Variants in FBN3 observed in about 807,000 individuals in gnomAD.
FBN3 encodes the protein fibrillin-3.
Under a neutral mutation model 330.1 loss-of-function variants are expected in FBN3, and 234 were observed. The observed-to-expected ratio is 0.71, with a 90% CI of 0.64 to 0.79. The LOEUF is 0.79. Ranked by LOEUF, FBN3 falls within the 30% of genes least tolerant of loss-of-function variation. The probability of loss-of-function intolerance (pLI) is 0.00; values close to 1 mark genes in which losing one functional copy is unlikely to be tolerated. For synonymous variants in FBN3, 1,458 were observed against 1,517.3 expected, an observed-to-expected ratio of 0.96 and a Z score of 0.91; for missense variants, 3,606 against 3,886.9, an observed-to-expected ratio of 0.93 and a Z score of 1.92.
chr19:8,111,861 G>A, intron 31 of FBN3, 91 bp from the exon 32 acceptor site: 2 of 1,535,670 alleles, frequency 1.3e-6, no homozygotes, highest in Non-Finnish European at 1.8e-6. Flanking sequence ...CTCCAACCCT[G>A]ACTGCCCCCC....
intron 63 of FBN3, among the ~76,000 whole-genome samples, chr19:8,066,965 T>G (rs12972954): frequency 2.6e-5 from 4 of 151,738 alleles, no homozygotes; most frequent in Non-Finnish European, 5.9e-5. Context: ...AAGCCCAAAC[T>G]GCCTCATCAT....
intron 61 of FBN3, 189 bp downstream of exon 61, chr19:8,074,882 C>A: frequency 1.5e-6 from 1 of 671,262 alleles, no homozygotes; most frequent in Non-Finnish European, 2.3e-6. Context: ...AACTCAGACA[C>A]TTTTTGATGC....
Position 8,147,322 on chromosome 19 carries a change from G to A in FBN3, c.159C>T (p.Ile53=), listed in dbSNP as rs369163345. The change falls in exon 2 of 64, where the codon ATC becomes ATT. Residue 53 remains isoleucine, a synonymous_variant. Coordinates refer to ENST00000600128, the MANE Select transcript of FBN3 (RefSeq NM_032447.5). ...TCCCAGGTACCACGCACCCCTGCAAGATGCCTGGGCTGCCCCGCCTCCGCA... is the reference window on the plus strand; with the variant it reads ...TCCCAGGTACCACGCACCCCTGCAAAATGCCTGGGCTGCCCCGCCTCCGCA... The part of the protein sequence containing the change: ...GRVRRRGSPG[I]LQGPNVCGSR... The A allele has an allele frequency of 3.8e-6, 6 of 1,596,894 alleles. No homozygotes were observed. The highest frequency in any genetic ancestry group is 4.3e-6 in the Non-Finnish European group (5 of 1,173,878).
chr19:8,085,746 C>A (rs1257688320), intron 55 of FBN3, among the ~76,000 whole-genome samples, 177 bp from the exon 56 acceptor site: 1 of 151,970 alleles, frequency 6.6e-6, no homozygotes, highest in Non-Finnish European at 1.5e-5. Flanking sequence ...GTTAGCTCCC[C>A]AGAAGTGGGA....
intron 36 of FBN3, among the ~76,000 whole-genome samples, chr19:8,108,767 C>T (rs1568406217): frequency 6.6e-6 from 1 of 152,142 alleles, no homozygotes; most frequent in African/African-American, 2.4e-5. Flanking sequence ...AGCCTCCTCC[C>T]CTGGAAAGCC....
chr19:8,141,365 C>CAA (rs56688351), intron 8 of FBN3, among the ~76,000 whole-genome samples: 13 of 78,904 alleles, frequency 1.6e-4, no homozygotes, highest in South Asian at 4.2e-4. Flanking sequence ...GACTCTGTCT[C>CAA]AAAAAAAAAA....
chr19:8,073,508 A>T (rs569116940), intron 61 of FBN3, among the ~76,000 whole-genome samples: 3 of 152,258 alleles, frequency 2.0e-5, no homozygotes, highest in African/African-American at 7.2e-5. Flanking sequence ...ACATCTCTCA[A>T]CACTTCCCCT....
At position 8,133,082 on chromosome 19, in the gene FBN3, G is replaced by A. The variant is rs1030028801; in HGVS notation, c.1616C>T (p.Thr539Ile). ...CVDHNECATS[T>I]MCVNGVCLNE... ...GAGACACACGCCGTTGACGCACATG[G>A]TGCTGGTGGCACACTCGTTGTGGTC... The change falls in exon 14 of 64, where the codon ACC becomes ATC. Residue 539 changes from threonine (T) to isoleucine (I), a missense_variant. Transcript: ENST00000600128. 3.8e-6 allele frequency: 6 copies of A among 1,581,818 alleles called. No individual in the cohort carries two copies. The Admixed American group carries it at 1.1e-4, about 29-fold the overall frequency.
chr19:8,096,557 C>G lies in FBN3; in HGVS notation c.5426G>C (p.Cys1809Ser). Residue 1809 changes from cysteine to serine, a missense_variant, in exon 44 of 64, where the codon TGT becomes TCT. Cys to Ser is a moderately radical substitution (Grantham distance 112). Coordinates refer to ENST00000600128, the MANE Select transcript of FBN3 (RefSeq NM_032447.5). This position sits in a 1 kb window ranked among gnomAD's most constrained non-coding sequence, Gnocchi z 4.6. ...GCTACAGACATTCGGGATCTCCCGACACTCATTCCGTCCTGGGGGTGCAGA... is the reference window on the plus strand; with the variant it reads ...GCTACAGACATTCGGGATCTCCCGAGACTCATTCCGTCCTGGGGGTGCAGA... Reference protein sequence around the residue: ...PGGACVGRNECREIPNVCSHG... With the variant: ...PGGACVGRNESREIPNVCSHG... 6.2e-7 allele frequency: 1 copy of G among 1,612,430 alleles called. No homozygotes were observed. The highest frequency in any genetic ancestry group is 8.5e-7 in the Non-Finnish European group (1 of 1,179,480).
At chr19:8,126,375 G>T in intron 20 of FBN3, 28 bp from the exon 21 acceptor site, 1 of 1,585,082 alleles carries the variant, frequency 6.3e-7, no homozygotes, top group Non-Finnish European at 8.6e-7. Context: ...AGAGTGAAGA[G>T]AGGAGTCATT....
intron 46 of FBN3, 76 bp downstream of exon 46, chr19:8,095,299 C>G (rs2082185784): frequency 6.8e-7 from 1 of 1,473,490 alleles, no homozygotes; most frequent in Admixed American, 2.2e-5. Flanking sequence ...TCTATGCTCA[C>G]CCAGAAGTAC....
At chr19:8,073,463 C>A (rs1228685883) in intron 61 of FBN3, among the ~76,000 whole-genome samples, 166 bp from the exon 62 acceptor site, 1 of 152,196 alleles carries the variant, frequency 6.6e-6, no homozygotes. Context: ...GGCCCCATAG[C>A]CCCGCTGCCC....
intron 37 of FBN3, among the ~76,000 whole-genome samples, chr19:8,106,937 A>G (rs745526151): frequency 1.0e-4 from 15 of 150,256 alleles, no homozygotes; most frequent in Non-Finnish European, 1.8e-4. Context: ...AGAATGAGAG[A>G]TAGGTGGGTG....
chr19:8,124,931 T>A (rs529938244), intron 22 of FBN3, among the ~76,000 whole-genome samples: 1 of 152,342 alleles, frequency 6.6e-6, no homozygotes, highest in African/African-American at 2.4e-5. Context: ...GAATGTCCAA[T>A]ACACCAAGGG....
chr19:8,076,427 G>A (rs1599269864), intron 59 of FBN3, among the ~76,000 whole-genome samples: 1 of 152,122 alleles, frequency 6.6e-6, no homozygotes, highest in South Asian at 2.1e-4. Flanking sequence ...CCTGAAGTCA[G>A]GAGTTCGAGA....
At chr19:8,148,635 A>G (rs2145084165) in intron 1 of FBN3, 1 of 152,454 alleles carries the variant, frequency 6.6e-6, no homozygotes, top group African/African-American at 2.4e-5. Flanking sequence ...AGCCAGACCA[A>G]GTGGCCTTCC....
intron 59 of FBN3, among the ~76,000 whole-genome samples, chr19:8,075,736 G>A (rs1028146037): frequency 1.3e-5 from 2 of 152,192 alleles, no homozygotes; most frequent in African/African-American, 4.8e-5. Context: ...GTGTGCATGC[G>A]AGAATTAAAT....
rs560693677 is a variant in FBN3, at chr19:8,109,159, G to A, written c.4618+68C>T. ...CCCCCCACCACCGCCATTAGCAGAG[G>A]TGACCCCCTAAGCTCCCGGGCCTCG... On this transcript the variant is annotated intron_variant, in intron 36 of 63. Transcript: ENST00000600128. This position sits in a 1 kb window ranked among gnomAD's most constrained non-coding sequence, Gnocchi z 5.2. The A allele has an allele frequency of 3.3e-5, 50 of 1,500,746 alleles. 1 individual carries two copies. The Admixed American group carries it at 6.7e-4, about 20-fold the overall frequency. 93.0% of individuals were successfully genotyped at this position (1,500,746 alleles called of 1,614,324 possible). A position where few individuals can be genotyped will look rare whatever the true frequency, so the allele number is the denominator to read the frequency against.
chr19:8,106,347 G>A, intron 37 of FBN3, 114 bp from the exon 38 acceptor site: 1 of 1,028,408 alleles, frequency 9.7e-7, no homozygotes, highest in Non-Finnish European at 1.5e-6. Context: ...CCCAAGTGCT[G>A]TCCATGACTG....
Sources: allele counts gnomAD v4.1 joint callset (sites outside exome capture counted in the v4.1 genomes callset), GRCh38; gene constraint gnomAD v4.1.1; non-coding constraint Gnocchi (gnomAD v3.1); transcripts MANE v1.5; gene names NCBI Gene and HGNC (gene_info 2026-07-23, HGNC 2026-07-21).